Variants in ADSS1 observed in about 807,000 individuals in gnomAD.
ADSS1 encodes adenylosuccinate synthetase isozyme 1.
A neutral mutation model predicts 59.1 loss-of-function variants in ADSS1; 57 were observed. The ratio of observed to expected loss-of-function variants is 0.97; its 90% confidence interval spans 0.78 to 1.20. ADSS1 has a LOEUF of 1.20. Ranked by LOEUF, ADSS1 falls within the 50% of genes most tolerant of loss-of-function variation. The pLI is 0.00. For missense variants in ADSS1, 603 were observed against 610.3 expected (o/e 0.99, Z 0.13); for synonymous variants, 247 against 249.4 (o/e 0.99, Z 0.09).
rs761184694 is a variant in ADSS1, at chr14:104,741,210, G to A, written c.760G>A (p.Gly254Ser). 28 of 1,609,920 alleles carry A rather than the reference G, an allele frequency of 1.7e-5. No homozygotes were observed. The South Asian group carries it at 2.2e-4, about 13-fold the overall frequency. The change falls in exon 8 of 13, where the codon GGT (glycine) becomes AGT (serine). Residue 254 changes from glycine to serine, a missense_variant. Physicochemically the swap from Gly to Ser is moderately conservative, Grantham distance 56 (BLOSUM62 0). Coordinates refer to ENST00000330877, the MANE Select transcript of ADSS1 (RefSeq NM_152328.5). ...HGPPKKILVEGANAALLDIDF... is the reference protein window; with the variant it reads ...HGPPKKILVESANAALLDIDF... ...CCCCCCCAAGAAGATCCTGGTGGAGGGTGCCAACGCCGCCCTCCTCGACAT... is the reference window on the plus strand; with the variant it reads ...CCCCCCCAAGAAGATCCTGGTGGAGAGTGCCAACGCCGCCCTCCTCGACAT...
In ADSS1 at chr14:104,734,084, A is replaced by G. The variant is rs534419468; in HGVS notation, c.193-936A>G. Among the ~76,000 whole-genome samples, 4 of 152,322 alleles carry G rather than the reference A, an allele frequency of 2.6e-5. No individual in the cohort carries two copies. The South Asian group carries it at 8.3e-4, about 32-fold the overall frequency. On this transcript the variant is annotated intron_variant, in intron 1 of 12. Coordinates refer to ENST00000330877, the MANE Select transcript of ADSS1 (RefSeq NM_152328.5). ...TGGTGGGGGCCTGGCTTCAGGGGCAATGAGCCATCATGGGCCATCAGAGAT... is the reference window on the plus strand; with the variant it reads ...TGGTGGGGGCCTGGCTTCAGGGGCAGTGAGCCATCATGGGCCATCAGAGAT...
At chr14:104,735,176 C>T in intron 2 of ADSS1, 54 bp downstream of exon 2, 1 of 1,504,170 alleles carries the variant, frequency 6.6e-7, no homozygotes, top group Non-Finnish European at 9.1e-7. Flanking sequence ...GTCAGCCAGC[C>T]CAGGAGCCCC....
Position 104,739,782 on chromosome 14 carries a change from C to G in ADSS1, c.442C>G (p.Gln148Glu). Reference sequence around the variant, plus strand: ...TTTTCACCAGGCTGTCGACGGACTTCAGGAAGTGCAGCGCCAGGCACAAGA... The same window carrying G: ...TTTTCACCAGGCTGTCGACGGACTTGAGGAAGTGCAGCGCCAGGCACAAGA... Reference protein sequence around the residue: ...FDFHQAVDGLQEVQRQAQEGK... With the variant: ...FDFHQAVDGLEEVQRQAQEGK... The change falls in exon 5 of 13, where the codon CAG (glutamine) becomes GAG (glutamate). Residue 148 changes from glutamine (Q) to glutamate (E), a missense_variant. Physicochemically the swap from Gln to Glu is conservative, Grantham distance 29. Transcript: ENST00000330877. 1 of 1,613,932 alleles carries G rather than the reference C, an allele frequency of 6.2e-7. No individual in the cohort carries two copies. The highest frequency in any genetic ancestry group is 1.1e-5 in the South Asian group (1 of 91,078).
chr14:104,735,651 G>A (rs1043452077), intron 2 of ADSS1, among the ~76,000 whole-genome samples: 7 of 152,144 alleles, frequency 4.6e-5, no homozygotes, highest in Admixed American at 2.0e-4. Context: ...TTCCCAGTCC[G>A]TGCTGCAGAG....
Position 104,744,873 on chromosome 14 carries a change from T to A in ADSS1, c.1135T>A (p.Tyr379Asn), listed in dbSNP as rs1190540440. 2.5e-6 allele frequency: 4 copies of A among 1,614,148 alleles called. No individual in the cohort carries two copies. The highest frequency in any genetic ancestry group is 3.4e-6 in the Non-Finnish European group (4 of 1,180,032). The change falls in exon 11 of 13, where the codon TAC becomes AAC. Residue 379 changes from tyrosine (Y) to asparagine (N), a missense_variant. Physicochemically the swap from Tyr to Asn is moderately radical, Grantham distance 143 (BLOSUM62 -2). Coordinates refer to ENST00000330877, the MANE Select transcript of ADSS1 (RefSeq NM_152328.5). ...VLGEVKVGVS[Y>N]KLNGKRIPYF... ...GGGTGAGGTTAAAGTCGGTGTCTCA[T>A]ACAAGCTGAACGGGAAAAGGATTCC... is the stretch of plus-strand genomic sequence containing the variant.
chr14:104,746,163 T>C, intron 11 of ADSS1, 73 bp from the exon 12 acceptor site: 1 of 1,532,122 alleles, frequency 6.5e-7, no homozygotes, highest in Non-Finnish European at 8.8e-7. Flanking sequence ...GGGGTGGCCG[T>C]GTCACCAAAT....
intron 1 of ADSS1, 103 bp downstream of exon 1, chr14:104,724,565 G>T (rs891632972): frequency 8.5e-6 from 10 of 1,177,074 alleles, no homozygotes; most frequent in Non-Finnish European, 9.3e-6. Flanking sequence ...TCACTCACCC[G>T]CTTGGATGCC....
chr14:104,738,659 G>A (rs562233860), intron 3 of ADSS1, among the ~76,000 whole-genome samples: 1 of 152,364 alleles, frequency 6.6e-6, no homozygotes, highest in South Asian at 2.1e-4. Context: ...GCATCACGGG[G>A]CCAGGTAGCA....
chr14:104,741,906 G>C lies in ADSS1; in HGVS notation c.852G>C (p.Leu284=). 6.2e-7 allele frequency: 1 copy of C among 1,613,508 alleles called. No homozygotes were observed. The highest frequency in any genetic ancestry group is 1.6e-4 in the Middle Eastern group (1 of 6,062). The change falls in exon 9 of 13, where the codon CTG becomes CTC. Residue 284 remains leucine (L), a synonymous_variant. Coordinates refer to ENST00000330877, the MANE Select transcript of ADSS1 (RefSeq NM_152328.5). ...NCTVGGVCTG[L]GIPPQNIGDV... is the part of the protein sequence containing the mutation. ...CCGTGGGCGGTGTGTGCACGGGCCTGGGCATCCCCCCGCAGAACATAGGTG... is the reference window on the plus strand; with the variant it reads ...CCGTGGGCGGTGTGTGCACGGGCCTCGGCATCCCCCCGCAGAACATAGGTG...
chr14:104,740,781 G>T lies in ADSS1; in HGVS notation c.585-58G>T. ...GGAAGGGACTGTGGCTAGTGGGGAG[G>T]GCCCTGAGGACCAGCATGGACCATG... On this transcript the variant is annotated intron_variant, in intron 6 of 12. Transcript: ENST00000330877. The surrounding 1 kb of genome is among the most constrained non-coding windows in gnomAD (Gnocchi z 4.8). The T allele has an allele frequency of 3.1e-6, 5 of 1,612,466 alleles. No individual in the cohort carries two copies. The highest frequency in any genetic ancestry group is 4.2e-6 in the Non-Finnish European group (5 of 1,178,806).
intron 2 of ADSS1, 70 bp from the exon 3 acceptor site, chr14:104,738,306 C>A: frequency 6.5e-7 from 1 of 1,543,254 alleles, no homozygotes. Flanking sequence ...CCATTTCATG[C>A]TGTTCTTAAT....
chr14:104,736,405 C>A (rs1211861395), intron 2 of ADSS1, among the ~76,000 whole-genome samples: 1 of 152,264 alleles, frequency 6.6e-6, no homozygotes, highest in Non-Finnish European at 1.5e-5. Flanking sequence ...AGAGGCACCG[C>A]TTAGCAAGCG....
At chr14:104,734,523 G>A (rs1325832735) in intron 1 of ADSS1, among the ~76,000 whole-genome samples, 3 of 152,264 alleles carry the variant, frequency 2.0e-5, no homozygotes, top group Non-Finnish European at 4.4e-5. Context: ...CCCCAGAGAG[G>A]GGAGCCTGTG....
chr14:104,746,431 C>A (rs1891561653), intron 12 of ADSS1, 46 bp downstream of exon 12: 1 of 1,578,244 alleles, frequency 6.3e-7, no homozygotes, highest in East Asian at 2.3e-5. Context: ...CCCTGGATGC[C>A]CCAAGGGGCC....
rs574255221 is a variant in ADSS1 at position 104,742,497 on chromosome 14, G to T, written c.948+495G>T. 2.6e-5 allele frequency among the ~76,000 whole-genome samples: 4 copies of T among 152,360 alleles called. No homozygotes were observed. The South Asian group carries it at 8.3e-4, about 32-fold the overall frequency. On this transcript the variant is annotated intron_variant, in intron 9 of 12. Coordinates refer to ENST00000330877, the MANE Select transcript of ADSS1 (RefSeq NM_152328.5). ...AGCCCCAGGAAGGTTTCTGGAAGCT[G>T]CTGTGGCCCCAGAATCCTCAGGAGA...
chr14:104,738,268 G>A (rs1891200034), intron 2 of ADSS1, 108 bp from the exon 3 acceptor site: 9 of 1,170,614 alleles, frequency 7.7e-6, no homozygotes, highest in Non-Finnish European at 1.2e-6. Context: ...AAAGTGCTAG[G>A]ATTACAGGCA....
chr14:104,747,299 A>C lies in ADSS1; in HGVS notation c.*296A>C. ...CGAAGCAGTGTAATAAACATCTCCA[A>C]TGGCCACTGAATGGGAGCAGTTGTT... On this transcript the variant is annotated 3_prime_UTR_variant, in exon 13 of 13. Coordinates refer to ENST00000330877, the MANE Select transcript of ADSS1 (RefSeq NM_152328.5). The C allele has an allele frequency of 1.6e-5, 4 of 254,072 alleles. No homozygotes were observed. The highest frequency in any genetic ancestry group is 5.2e-5 in the Admixed American group (1 of 19,086). 15.7% of individuals were successfully genotyped at this position (254,072 alleles called of 1,614,324 possible). A position where few individuals can be genotyped will look rare whatever the true frequency, so the allele number is the denominator to read the frequency against.
intron 3 of ADSS1, 96 bp from the exon 4 acceptor site, chr14:104,739,232 A>C: frequency 7.4e-7 from 1 of 1,344,220 alleles, no homozygotes; most frequent in South Asian, 1.3e-5. Flanking sequence ...CCTTACCTGG[A>C]TGGGAGCCGG....
chr14:104,736,461 T>C (rs1353507605), intron 2 of ADSS1, among the ~76,000 whole-genome samples: 1 of 152,180 alleles, frequency 6.6e-6, no homozygotes, highest in Admixed American at 6.5e-5. Context: ...CTTGCAACAC[T>C]CCGGGCCTCT....
Sources: allele counts gnomAD v4.1 joint callset (sites outside exome capture counted in the v4.1 genomes callset), GRCh38; gene constraint gnomAD v4.1.1; non-coding constraint Gnocchi (gnomAD v3.1); transcripts MANE v1.5; gene names NCBI Gene and HGNC (gene_info 2026-07-23, HGNC 2026-07-21).